Variants in LSAMP observed in about 807,000 individuals in gnomAD.
LSAMP encodes limbic system-associated membrane protein.
A neutral mutation model predicts 38.6 loss-of-function variants in LSAMP; 7 were observed. The ratio of observed to expected loss-of-function variants is 0.18; its 90% CI spans 0.10 to 0.34. The LOEUF (loss-of-function observed/expected upper bound fraction) is 0.34, where lower values mean the gene tolerates loss of function less well. Ranked by LOEUF, LSAMP falls within the 10% of genes least tolerant of loss-of-function variation. The probability of loss-of-function intolerance (pLI) is 1.00; values close to 1 mark genes in which losing one functional copy is unlikely to be tolerated. For synonymous variants in LSAMP, 154 were observed against 166.8 expected (o/e 0.92, Z 0.59); for missense variants, 313 against 420.0 (o/e 0.75, Z 2.23).
intron 3 of LSAMP, among the ~76,000 whole-genome samples, chr3:116,007,306 A>G (rs2107669630): frequency 6.6e-6 from 1 of 151,854 alleles, no homozygotes; most frequent in Non-Finnish European, 1.5e-5. Flanking sequence ...TTTGCCAAGG[A>G]GTTTGCTTCT....
At chr3:116,060,951 T>C (rs925320721) in intron 2 of LSAMP, among the ~76,000 whole-genome samples, 4 of 151,578 alleles carry the variant, frequency 2.6e-5, no homozygotes, top group African/African-American at 9.7e-5. Flanking sequence ...ATAAATAAAA[T>C]TAATTTTTAA....
intron 3 of LSAMP, among the ~76,000 whole-genome samples, chr3:115,921,494 C>T (rs553451394): frequency 1.3e-5 from 2 of 151,960 alleles, no homozygotes; most frequent in African/African-American, 2.4e-5. Context: ...AAATTATATC[C>T]TTTTATAGCA....
At chr3:116,178,369 C>T (rs766703724) in intron 1 of LSAMP, among the ~76,000 whole-genome samples, 18 of 152,004 alleles carry the variant, frequency 1.2e-4, no homozygotes, top group African/African-American at 2.2e-4. Context: ...GGTTTTACCA[C>T]GTTGGCCAGG....
chr3:116,178,742 C>T (rs1710413440), intron 1 of LSAMP, among the ~76,000 whole-genome samples: 1 of 152,096 alleles, frequency 6.6e-6, no homozygotes, highest in Non-Finnish European at 1.5e-5. Flanking sequence ...GGCTCTCTAT[C>T]CCACCCTTCA....
At chr3:116,022,848 T>G (rs1940676748) in intron 2 of LSAMP, among the ~76,000 whole-genome samples, 1 of 152,200 alleles carries the variant, frequency 6.6e-6, no homozygotes, top group Admixed American at 6.5e-5. Context: ...CCCTATTGTT[T>G]GCCTCACAGA....
At position 116,270,917 on chromosome 3, in the gene LSAMP, C is replaced by T. The variant is rs2046963267; in HGVS notation, c.155+173960G>A. 2.6e-5 allele frequency among the ~76,000 whole-genome samples: 4 copies of T among 152,112 alleles called. No homozygotes were observed. In the South Asian group the frequency reaches 8.3e-4, roughly 31 times the overall value. On this transcript the variant is annotated intron_variant, in intron 1 of 6. Transcript: ENST00000490035. The stretch of plus-strand genomic sequence containing the variant: ...TTAGTCACTAGCTCTGAGATCTCAA[C>T]AAAGCTTGCTTACTTCTCCAGATTT...
At chr3:116,340,141 T>C (rs2047973250) in intron 1 of LSAMP, among the ~76,000 whole-genome samples, 1 of 152,074 alleles carries the variant, frequency 6.6e-6, no homozygotes, top group African/African-American at 2.4e-5. Context: ...AAAACGTGTG[T>C]GACTTTGGGT....
chr3:116,339,644 G>T, intron 1 of LSAMP, among the ~76,000 whole-genome samples: 1 of 152,118 alleles, frequency 6.6e-6, no homozygotes, highest in Middle Eastern at 3.4e-3. Context: ...TCCAAGGCTA[G>T]ATCATAAAAG....
At chr3:115,939,875 C>T (rs1209560520) in intron 3 of LSAMP, among the ~76,000 whole-genome samples, 1 of 151,964 alleles carries the variant, frequency 6.6e-6, no homozygotes, top group African/African-American at 2.4e-5. Flanking sequence ...GGTTTTGTGT[C>T]CAGCATTGGT....
At chr3:116,369,269 C>T (rs13323946) in intron 1 of LSAMP, among the ~76,000 whole-genome samples, 20,683 of 152,096 alleles carry the variant, frequency 0.14, 1,535 homozygotes, top group Middle Eastern at 0.21. Context: ...ACAGATGCAG[C>T]AAACAGTTTT....
chr3:116,444,457 G>A (rs1476414068), intron 1 of LSAMP, among the ~76,000 whole-genome samples: 2 of 149,784 alleles, frequency 1.3e-5, no homozygotes, highest in East Asian at 2.1e-4. Context: ...ACTACTCTCT[G>A]AGAGCCATAA....
At chr3:116,251,029 G>T (rs1477895348) in intron 1 of LSAMP, among the ~76,000 whole-genome samples, 3 of 152,190 alleles carry the variant, frequency 2.0e-5, no homozygotes, top group African/African-American at 7.2e-5. Flanking sequence ...GGGACAGAAG[G>T]TTAACTGTCC....
intron 3 of LSAMP, among the ~76,000 whole-genome samples, chr3:115,969,119 G>A (rs1191301681): frequency 6.6e-6 from 1 of 152,152 alleles, no homozygotes; most frequent in Non-Finnish European, 1.5e-5. Flanking sequence ...GCCTCTTTCA[G>A]TGATATGAGG....
At chr3:115,830,970 C>T (rs1934590101) in intron 6 of LSAMP, among the ~76,000 whole-genome samples, 1 of 152,214 alleles carries the variant, frequency 6.6e-6, no homozygotes, top group South Asian at 2.1e-4. Flanking sequence ...CTTCAGATTT[C>T]TGCAAGCCTC....
At chr3:116,410,517 C>T (rs898053733) in intron 1 of LSAMP, among the ~76,000 whole-genome samples, 3 of 151,686 alleles carry the variant, frequency 2.0e-5, no homozygotes, top group Admixed American at 6.6e-5. Context: ...TGGGAACAAA[C>T]TTCCTTTGCT....
intron 1 of LSAMP, among the ~76,000 whole-genome samples, chr3:116,333,792 CTT>C (rs2047884728): frequency 6.6e-6 from 1 of 150,550 alleles, no homozygotes; most frequent in South Asian, 2.1e-4. Flanking sequence ...GCTACGAACA[CTT>C]AAATTTAAAA....
At chr3:116,156,807 G>C (rs1709760227) in intron 1 of LSAMP, among the ~76,000 whole-genome samples, 1 of 152,078 alleles carries the variant, frequency 6.6e-6, no homozygotes, top group Non-Finnish European at 1.5e-5. Context: ...GGAAAAGAAG[G>C]CTCTGGAAAA....
At chr3:116,268,854 T>C (rs117604263) in intron 1 of LSAMP, among the ~76,000 whole-genome samples, 1,591 of 152,178 alleles carry the variant, frequency 0.01, 62 homozygotes, top group East Asian at 0.072. Context: ...TCATGGAGAA[T>C]AGAAATGGAA....
intron 1 of LSAMP, among the ~76,000 whole-genome samples, chr3:116,273,740 A>ATG (rs1405715376): frequency 2.9e-5 from 4 of 137,892 alleles, no homozygotes; most frequent in African/African-American, 8.9e-5. Context: ...ATGTATACAT[A>ATG]TGTATATATA....
Sources: allele counts gnomAD v4.1 joint callset (sites outside exome capture counted in the v4.1 genomes callset), GRCh38; gene constraint gnomAD v4.1.1; transcripts MANE v1.5; gene names NCBI Gene and HGNC (gene_info 2026-07-23, HGNC 2026-07-21).